Variants in CCNY observed in about 807,000 individuals in gnomAD.
CCNY encodes cyclin-Y.
A neutral mutation model predicts 42.8 loss-of-function variants in CCNY; 19 were observed. The observed-to-expected ratio is 0.44, with a 90% CI of 0.31 to 0.65. CCNY has a LOEUF of 0.65. CCNY is among the 30% of genes least tolerant of loss of function. The pLI, the probability that CCNY is intolerant of heterozygous loss-of-function variation, is 0.07. For missense variants in CCNY, 370 were observed against 437.3 expected (o/e 0.85, Z 1.37); for synonymous variants, 165 against 162.7 (o/e 1.01, Z -0.11).
chr10:35,546,329 C>T (rs1841115971), intron 7 of CCNY, among the ~76,000 whole-genome samples: 1 of 152,230 alleles, frequency 6.6e-6, no homozygotes, highest in Admixed American at 6.5e-5. Flanking sequence ...CCAAATGCCT[C>T]TGAACAGCTT....
rs900794955 is a variant in CCNY at position 35,307,823 on chromosome 10, T to A, written c.-9+57197T>A. Among the ~76,000 whole-genome samples, 38 of 141,596 alleles carry A rather than the reference T, an allele frequency of 2.7e-4. 1 individual carries two copies. Among genetic ancestry groups the A allele is most frequent in the African/African-American group, 6.5e-4 (25 of 38,674 alleles). The allele number at this position is 141,596 out of a possible 152,430, so 92.9% of individuals were successfully genotyped here. ...GTGTATATATATATATATATATTTT[T>A]TTTTTTTTTTCTGAGATGGAGTCTT... On this transcript the variant is annotated intron_variant, in intron 3 of 11. Transcript: ENST00000374706.
intron 1 of CCNY, among the ~76,000 whole-genome samples, chr10:35,459,154 A>G (rs773865058): frequency 6.2e-4 from 94 of 152,312 alleles, no homozygotes; most frequent in Non-Finnish European, 1.2e-3. Flanking sequence ...AATAGATGGA[A>G]ATCTGTTCAG....
chr10:35,473,766 T>A (rs1018729573), intron 1 of CCNY, among the ~76,000 whole-genome samples: 2 of 152,096 alleles, frequency 1.3e-5, no homozygotes, highest in Non-Finnish European at 2.9e-5. Flanking sequence ...AAAAACATCA[T>A]AAAAATGTGT....
Position 35,363,249 on chromosome 10 carries a change from C to T in CCNY, c.154+26042C>T, listed in dbSNP as rs570991702. 9.3e-5 allele frequency among the ~76,000 whole-genome samples: 14 copies of T among 150,984 alleles called. No individual in the cohort carries two copies. The South Asian group carries it at 2.9e-3, about 32-fold the overall frequency. ...GGTGGAGTGGCCGGCAGAGGCGCTCCTCACTTCCCCGACAGGGCGGTAGCT... is the reference window on the plus strand; with the variant it reads ...GGTGGAGTGGCCGGCAGAGGCGCTCTTCACTTCCCCGACAGGGCGGTAGCT... On this transcript the variant is annotated intron_variant, in intron 1 of 9. Coordinates refer to ENST00000374704, the MANE Select transcript of CCNY (RefSeq NM_145012.6).
At chr10:35,427,901 C>G (rs1490714531) in intron 1 of CCNY, among the ~76,000 whole-genome samples, 1 of 152,100 alleles carries the variant, frequency 6.6e-6, no homozygotes, top group African/African-American at 2.4e-5. Context: ...CCACCTGGGC[C>G]TGGTGGTGGC....
At chr10:35,449,114 A>T (rs1008191506) in intron 1 of CCNY, among the ~76,000 whole-genome samples, 1 of 151,946 alleles carries the variant, frequency 6.6e-6, no homozygotes, top group Non-Finnish European at 1.5e-5. Context: ...AACGGGCAGC[A>T]TGGGAGTTCA....
chr10:35,249,033 C>T (rs763928294), intron 2 of CCNY, among the ~76,000 whole-genome samples: 3 of 152,054 alleles, frequency 2.0e-5, no homozygotes, highest in Non-Finnish European at 2.9e-5. Flanking sequence ...CTGCAACCTC[C>T]GCCTCGCAGG....
intron 7 of CCNY, among the ~76,000 whole-genome samples, chr10:35,531,957 A>G (rs1042039409): frequency 6.6e-6 from 1 of 152,250 alleles, no homozygotes; most frequent in African/African-American, 2.4e-5. Flanking sequence ...TCTTTGGAGT[A>G]GTGTAGGACT....
At chr10:35,272,215 G>A (rs917201000) in intron 3 of CCNY, among the ~76,000 whole-genome samples, 2 of 151,866 alleles carry the variant, frequency 1.3e-5, no homozygotes, top group Non-Finnish European at 2.9e-5. Context: ...TCAAACTCCT[G>A]ACCTCAGGTG....
chr10:35,322,665 A>G (rs1287633070), intron 3 of CCNY, among the ~76,000 whole-genome samples: 2 of 152,224 alleles, frequency 1.3e-5, no homozygotes, highest in African/African-American at 4.8e-5. Context: ...TAGCAACCCA[A>G]CTAAATTGGA....
At chr10:35,253,874 G>GC (rs2095713646) in intron 3 of CCNY, among the ~76,000 whole-genome samples, 1 of 129,306 alleles carries the variant, frequency 7.7e-6, no homozygotes, top group Non-Finnish European at 1.6e-5. Context: ...TTGAGCAACT[G>GC]TTTTTTTTTT....
intron 3 of CCNY, among the ~76,000 whole-genome samples, chr10:35,292,781 G>GTTTTTTTTTTT (rs71033391): frequency 3.9e-4 from 42 of 108,754 alleles, no homozygotes; most frequent in Admixed American, 3.9e-4. Flanking sequence ...CTTTGTTTTT[G>GTTTTTTTTTTT]TTTTTTTTTT....
At chr10:35,347,708 G>T (rs879457709) in intron 1 of CCNY, among the ~76,000 whole-genome samples, 5 of 152,078 alleles carry the variant, frequency 3.3e-5, no homozygotes, top group African/African-American at 1.2e-4. Flanking sequence ...CTCAAGAAAA[G>T]ATTTCACTCC....
At position 35,569,074 on chromosome 10, in the gene CCNY, G is replaced by C; in HGVS notation, c.930G>C (p.Glu310Asp). 6.2e-7 allele frequency: 1 copy of C among 1,612,832 alleles called. No individual in the cohort carries two copies. The highest frequency in any genetic ancestry group is 1.1e-5 in the South Asian group (1 of 91,066). ...CTCAGGCCATCTCTCGCCTCTGCGA[G>C]GACAAGTACAAGGACCTAAGAAGAT... Reference protein sequence around the residue: ...HKLEAISRLCEDKYKDLRRSA... With the variant: ...HKLEAISRLCDDKYKDLRRSA... The change falls in exon 10 of 10, where the codon GAG (glutamate) becomes GAC (aspartate). Residue 310 changes from glutamate (E) to aspartate (D), a missense_variant. Physicochemically the swap from Glu to Asp is conservative, Grantham distance 45. Transcript: ENST00000374704.
chr10:35,362,471 T>C (rs1308423459), intron 1 of CCNY, among the ~76,000 whole-genome samples: 1 of 152,154 alleles, frequency 6.6e-6, no homozygotes, highest in Non-Finnish European at 1.5e-5. Context: ...TCTTGGCAAC[T>C]GAATTTACTT....
At chr10:35,417,647 G>A (rs1045013833) in intron 1 of CCNY, among the ~76,000 whole-genome samples, 1 of 152,152 alleles carries the variant, frequency 6.6e-6, no homozygotes, top group Admixed American at 6.5e-5. Flanking sequence ...TAGGGTGTTT[G>A]CCTTTTGTTA....
chr10:35,395,047 GC>G (rs1837494283), intron 1 of CCNY, among the ~76,000 whole-genome samples: 1 of 140,188 alleles, frequency 7.1e-6, no homozygotes, highest in Non-Finnish European at 1.5e-5. Context: ...TTATGAAGCA[GC>G]CTTGTTTGCT....
rs188727333 is a variant in CCNY, at chr10:35,263,180, C to A, written c.-9+12554C>A. On this transcript the variant is annotated intron_variant, in intron 3 of 11. Coordinates refer to the CCNY transcript ENST00000374706. Reference sequence around the variant, plus strand: ...GGCCATCCTGGCTAACATGGTGAAACCCCGTCTCTATTAAAAAATACAACA... The same window carrying A: ...GGCCATCCTGGCTAACATGGTGAAAACCCGTCTCTATTAAAAAATACAACA... Among the ~76,000 whole-genome samples, 1,317 of 151,812 alleles carry A rather than the reference C, an allele frequency of 8.7e-3. 25 individuals carry two copies. The highest frequency in any genetic ancestry group is 0.03 in the African/African-American group (1,231 of 41,414).
At chr10:35,337,347 G>A (rs2135113565) in intron 1 of CCNY, 140 bp downstream of exon 1, 2 of 853,298 alleles carry the variant, frequency 2.3e-6, no homozygotes, top group East Asian at 3.4e-5. Context: ...GCGCAGCCTA[G>A]GCGCCCGGGG....
Sources: allele counts gnomAD v4.1 joint callset (sites outside exome capture counted in the v4.1 genomes callset), GRCh38; gene constraint gnomAD v4.1.1; transcripts MANE v1.5; gene names NCBI Gene and HGNC (gene_info 2026-07-23, HGNC 2026-07-21).